Variants in NFATC4 observed in about 807,000 individuals in gnomAD.
NFATC4 encodes the protein nuclear factor of activated T cells 4.
NFATC4 carries 25 observed loss-of-function variants against 73.4 expected under a neutral mutation model. That is an observed-to-expected ratio of 0.34 (90% CI 0.25 to 0.48). The LOEUF (loss-of-function observed/expected upper bound fraction) is 0.48, where lower values mean the gene tolerates loss of function less well. Among genes scored for constraint, NFATC4 ranks in the 20% least tolerant of loss-of-function variants. The probability of loss-of-function intolerance (pLI) is 0.99; values close to 1 mark genes in which losing one functional copy is unlikely to be tolerated. For synonymous variants in NFATC4, 523 were observed against 510.3 expected (o/e 1.02, Z -0.34); for missense variants, 1,130 against 1,203.7 (o/e 0.94, Z 0.91).
chr14:24,369,103 G>A, intron 1 of NFATC4: 3 of 1,426,620 alleles, frequency 2.1e-6, no homozygotes, highest in Non-Finnish European at 2.7e-6. Context: ...GGCAACTGGG[G>A]CTCCTGCCAG....
chr14:24,369,987 G>A lies in NFATC4; in HGVS notation c.589G>A (p.Glu197Lys), dbSNP rs2042425823. Residue 197 changes from glutamate (E) to lysine (K), a missense_variant, in exon 2 of 10, where the codon GAG becomes AAG. Around this residue, in one of 3 missense-constraint regions of NFATC4, gnomAD observed 585 missense variants for 574.3 expected, o/e 1.02. Coordinates refer to ENST00000250373, the MANE Select transcript of NFATC4 (RefSeq NM_004554.5). ...DEAALYAACD[E>K]VESELNEAAS... is the part of the protein sequence containing the mutation. Reference sequence around the variant, plus strand: ...GGCAGCCCTGTATGCAGCCTGCGACGAGGTGGAGTCTGAGCTAAATGAGGC... The same window carrying A: ...GGCAGCCCTGTATGCAGCCTGCGACAAGGTGGAGTCTGAGCTAAATGAGGC... 6.2e-7 allele frequency: 1 copy of A among 1,612,884 alleles called. No individual in the cohort carries two copies. The highest frequency in any genetic ancestry group is 1.1e-5 in the South Asian group (1 of 91,078).
At position 24,369,527 on chromosome 14, in the gene NFATC4, C is replaced by T. The variant is rs1312355883; in HGVS notation, c.129C>T (p.Cys43=). 1 of 1,610,158 alleles carries T rather than the reference C, an allele frequency of 6.2e-7. No individual in the cohort carries two copies. Among genetic ancestry groups the T allele is most frequent in the African/African-American group, 1.3e-5 (1 of 75,006 alleles). ...EELDSEDAPP[C]CRLALGEPPP... Reference sequence around the variant, plus strand: ...TGGACTCAGAGGATGCCCCGCCATGCTGCCGTCTGGCCTTGGGAGAGCCCC... The same window carrying T: ...TGGACTCAGAGGATGCCCCGCCATGTTGCCGTCTGGCCTTGGGAGAGCCCC... Residue 43 remains cysteine, a synonymous_variant, in exon 2 of 10, where the codon TGC becomes TGT. Coordinates refer to ENST00000250373, the MANE Select transcript of NFATC4 (RefSeq NM_004554.5).
In NFATC4 at chr14:24,372,425, C is replaced by A; in HGVS notation, c.1197-16C>A. 3 of 1,611,098 alleles carry A rather than the reference C, an allele frequency of 1.9e-6. No individual in the cohort carries two copies. The highest frequency in any genetic ancestry group is 1.8e-4 in the Middle Eastern group (1 of 5,550). On this transcript the variant is annotated splice_polypyrimidine_tract_variant and intron_variant, in intron 2 of 9. Transcript: ENST00000250373. Reference sequence around the variant, plus strand: ...TCTGAGGCTGCACATGATCAATGCTCTTCTCTCCCACCCAGGACCTCTGCC... The same window carrying A: ...TCTGAGGCTGCACATGATCAATGCTATTCTCTCCCACCCAGGACCTCTGCC...
Position 24,377,384 on chromosome 14 carries a change from T to A in NFATC4, c.2642-254T>A. On this transcript the variant is annotated intron_variant, in intron 9 of 9. Coordinates refer to ENST00000250373, the MANE Select transcript of NFATC4 (RefSeq NM_004554.5). The surrounding 1 kb of genome is among the most constrained non-coding windows in gnomAD (Gnocchi z 4.2). ...CCTGCTGATACCGATTCCCCTGACATTTCAGGCTAAGCCAGCAGGAAAGGG... is the reference window on the plus strand; with the variant it reads ...CCTGCTGATACCGATTCCCCTGACAATTCAGGCTAAGCCAGCAGGAAAGGG... The A allele has an allele frequency of 7.3e-7, 1 of 1,364,820 alleles. No homozygotes were observed. Among genetic ancestry groups the A allele is most frequent in the Non-Finnish European group, 9.4e-7 (1 of 1,059,734 alleles). 84.5% of individuals were successfully genotyped at this position (1,364,820 alleles called of 1,614,324 possible).
At position 24,369,958 on chromosome 14, in the gene NFATC4, A is replaced by G; in HGVS notation, c.560A>G (p.Asp187Gly). The G allele has an allele frequency of 1.2e-6, 2 of 1,612,960 alleles. No individual in the cohort carries two copies. Among genetic ancestry groups the G allele is most frequent in the Non-Finnish European group, 1.7e-6 (2 of 1,179,954 alleles). ...SSWSFFSDAS[D>G]EAALYAACDE... ...TGGAGCTTCTTCTCCGATGCCTCTG[A>G]CGAGGCAGCCCTGTATGCAGCCTGC... The change falls in exon 2 of 10, where the codon GAC becomes GGC. Residue 187 changes from aspartate to glycine, a missense_variant. Coordinates refer to ENST00000250373, the MANE Select transcript of NFATC4 (RefSeq NM_004554.5).
At chr14:24,369,347 C>T (rs1424373904) in intron 1 of NFATC4, 152 bp from the exon 2 acceptor site, 2 of 1,598,590 alleles carry the variant, frequency 1.3e-6, no homozygotes, top group South Asian at 2.2e-5. Flanking sequence ...TTCCCAGGTC[C>T]AACTCTGCTT....
At position 24,376,892 on chromosome 14, in the gene NFATC4, T is replaced by G; in HGVS notation, c.2641+14T>G. 1.3e-6 allele frequency: 2 copies of G among 1,538,988 alleles called. No individual in the cohort carries two copies. Among genetic ancestry groups the G allele is most frequent in the Non-Finnish European group, 1.7e-6 (2 of 1,145,176 alleles). ...CGCTGGAGGAAGGTGGGTGTGGGAC[T>G]GGGGGCTGTGAGTGTGAGTGTGTGC... On this transcript the variant is annotated intron_variant, in intron 9 of 9. Coordinates refer to ENST00000250373, the MANE Select transcript of NFATC4 (RefSeq NM_004554.5). The surrounding 1 kb of genome is among the most constrained non-coding windows in gnomAD (Gnocchi z 5.0).
chr14:24,366,942 C>T (rs936136999), upstream of NFATC4: 19 of 1,548,102 alleles, frequency 1.2e-5, no homozygotes, highest in African/African-American at 1.4e-5. Flanking sequence ...GTCGCTTAAC[C>T]GTTTAGTTGC....
chr14:24,369,772 C>CAGCAGCGTG lies in NFATC4; in HGVS notation c.374_375insAGCAGCGTG (p.Pro125_Glu126insAlaAlaTrp). ...CGCATCACCTCCATCTCTCCCACGC[C>CAGCAGCGTG]GGAGCCGCCAGCAGCGCTGGAGGAC... On this transcript the variant is annotated inframe_insertion, in exon 2 of 10. Coordinates refer to ENST00000250373, the MANE Select transcript of NFATC4 (RefSeq NM_004554.5). 6.3e-7 allele frequency: 1 copy of CAGCAGCGTG among 1,597,442 alleles called. No homozygotes were observed. Among genetic ancestry groups the CAGCAGCGTG allele is most frequent in the Non-Finnish European group, 8.5e-7 (1 of 1,172,156 alleles).
chr14:24,370,733 C>T, intron 2 of NFATC4, 139 bp downstream of exon 2: 1 of 1,203,690 alleles, frequency 8.3e-7, no homozygotes, highest in Non-Finnish European at 1.1e-6. Context: ...CAGCAGCTGC[C>T]AACTACCTGG....
upstream of NFATC4, chr14:24,368,059 G>T: frequency 8.8e-7 from 1 of 1,133,142 alleles, no homozygotes; most frequent in Non-Finnish European, 1.1e-6. Flanking sequence ...GGAGGACGAG[G>T]GGCGCGTGGT....
chr14:24,369,083 CG>C, intron 1 of NFATC4: 1 of 1,413,598 alleles, frequency 7.1e-7, no homozygotes, highest in Non-Finnish European at 9.2e-7. Flanking sequence ...CCTCTGGCCA[CG>C]GTTGCGATGG....
At chr14:24,367,918 C>A (rs2042348946), upstream of NFATC4, 2 of 1,277,474 alleles carry the variant, frequency 1.6e-6, no homozygotes, top group East Asian at 3.0e-5. Flanking sequence ...GGGCTCTCTG[C>A]GGGAAATGAT....
chr14:24,373,353 G>A lies in NFATC4; in HGVS notation c.1542G>A (p.Glu514=). Residue 514 remains glutamate (E), a synonymous_variant, in exon 4 of 10, where the codon GAG becomes GAA. Transcript: ENST00000250373. The surrounding 1 kb of genome is among the most constrained non-coding windows in gnomAD (Gnocchi z 4.7). ...TGTTGGAGATGACTCTGCTGCCTGA[G>A]AACAACATGGCGGCCAAGTAAGTCC... is the stretch of plus-strand genomic sequence containing the variant. The part of the protein sequence containing the change: ...TKVLEMTLLP[E]NNMAANIDCA... The A allele has an allele frequency of 6.2e-7, 1 of 1,614,000 alleles. No homozygotes were observed. Among genetic ancestry groups the A allele is most frequent in the Admixed American group, 1.7e-5 (1 of 60,036 alleles).
chr14:24,376,516 C>T lies in NFATC4; in HGVS notation c.2279C>T (p.Pro760Leu), dbSNP rs527523977. The T allele has an allele frequency of 9.9e-6, 16 of 1,613,822 alleles. No homozygotes were observed. The highest frequency in any genetic ancestry group is 6.7e-5 in the Admixed American group (4 of 59,986). ...ACGGGGCCCCCACCATCCTACAGAC[C>T]GGGCCTGCGGATGTTCCCTGAGACT... is the stretch of plus-strand genomic sequence containing the variant. ...PQTGPPPSYRPGLRMFPETRG... is the reference protein window; with the variant it reads ...PQTGPPPSYRLGLRMFPETRG... Residue 760 changes from proline to leucine, a missense_variant, in exon 9 of 10, where the codon CCG becomes CTG. By Grantham distance (98) the Pro-to-Leu change is moderately conservative (BLOSUM62 -3). Coordinates refer to ENST00000250373, the MANE Select transcript of NFATC4 (RefSeq NM_004554.5). This position sits in a 1 kb window ranked among gnomAD's most constrained non-coding sequence, Gnocchi z 5.0.
chr14:24,373,215 C>G lies in NFATC4; in HGVS notation c.1404C>G (p.Ile468Met). ...SEKPLTLQMF[I>M]GTADERNLRP... The stretch of plus-strand genomic sequence containing the variant: ...AGCCACTGACCCTACAGATGTTCAT[C>G]GGCACTGCAGATGAAAGGAACCTGC... The change falls in exon 4 of 10, where the codon ATC (isoleucine) becomes ATG (methionine). Residue 468 changes from isoleucine to methionine, a missense_variant. Physicochemically the swap from Ile to Met is conservative, Grantham distance 10 (BLOSUM62 1). Transcript: ENST00000250373. This position sits in a 1 kb window ranked among gnomAD's most constrained non-coding sequence, Gnocchi z 4.7. The G allele has an allele frequency of 6.2e-7, 1 of 1,614,206 alleles. No homozygotes were observed. Among genetic ancestry groups the G allele is most frequent in the Non-Finnish European group, 8.5e-7 (1 of 1,180,044 alleles).
Position 24,373,412 on chromosome 14 carries a change from C to T in NFATC4, c.1559+42C>T, listed in dbSNP as rs537331170. ...TTCCCCTCAGTCCGCAGGCTTTGTA[C>T]TAGCTTTCTCCACTGGGCCTATGCT... On this transcript the variant is annotated intron_variant, in intron 4 of 9. Coordinates refer to ENST00000250373, the MANE Select transcript of NFATC4 (RefSeq NM_004554.5). This position sits in a 1 kb window ranked among gnomAD's most constrained non-coding sequence, Gnocchi z 4.7. 2.5e-6 allele frequency: 4 copies of T among 1,604,346 alleles called. No homozygotes were observed. Among genetic ancestry groups the T allele is most frequent in the South Asian group, 1.1e-5 (1 of 90,564 alleles).
rs775757742 is a variant in NFATC4 at position 24,370,208 on chromosome 14, C to T, written c.810C>T (p.Arg270=). 2 of 1,609,620 alleles carry T rather than the reference C, an allele frequency of 1.2e-6. No homozygotes were observed. The highest frequency in any genetic ancestry group is 2.2e-5 in the South Asian group (2 of 91,070). The change falls in exon 2 of 10, where the codon CGC becomes CGT. Residue 270 remains arginine, a synonymous_variant. Transcript: ENST00000250373. ...CTGCCTCTCCATGTGGCAAGCGGCG[C>T]TATTCCAGCTCGGGAACCCCATCTT... ...PRPASPCGKR[R]YSSSGTPSSA...
chr14:24,375,759 G>GGCCCCCCC, intron 7 of NFATC4, 44 bp downstream of exon 7: 1 of 617,016 alleles, frequency 1.6e-6, no homozygotes, highest in Non-Finnish European at 3.0e-6. Context: ...GGGGGTGGGA[G>GGCCCCCCC]AAGGCAGGGG....
Sources: allele counts gnomAD v4.1 joint callset, GRCh38; gene constraint gnomAD v4.1.1; regional missense constraint gnomAD v4.1.1; non-coding constraint Gnocchi (gnomAD v3.1); transcripts MANE v1.5; gene names NCBI Gene and HGNC (gene_info 2026-07-23, HGNC 2026-07-21).